The following ZNF93 variants were observed in gnomAD, a reference collection of about 807,000 sequenced individuals.
ZNF93 encodes zinc finger protein 505.
A neutral mutation model predicts 45.0 loss-of-function variants in ZNF93; 29 were observed. The ratio of observed to expected loss-of-function variants is 0.64; its 90% confidence interval spans 0.48 to 0.88. The LOEUF is 0.88. ZNF93 is among the 40% of genes least tolerant of loss of function. The pLI is 0.00. For missense variants in ZNF93, 578 were observed against 724.0 expected, an observed-to-expected ratio of 0.80 and a Z score of 2.31; for synonymous variants, 223 against 244.6, an observed-to-expected ratio of 0.91 and a Z score of 0.82.
In ZNF93 at chr19:19,935,109, G is replaced by C. The variant is rs2063389116; in HGVS notation, c.*291G>C. On this transcript the variant is annotated 3_prime_UTR_variant, in exon 4 of 4. Transcript: ENST00000343769. ...TAGAAACCCACACAGTTAACCTGAG[G>C]AAATGCTCTCTGGTACTCACTGAAA... The C allele has an allele frequency of 2.7e-6, 1 of 364,944 alleles. No individual in the cohort carries two copies. The highest frequency in any genetic ancestry group is 2.1e-5 in the African/African-American group (1 of 48,440). The allele number at this position is 364,944 out of a possible 1,614,324, so 22.6% of individuals were successfully genotyped here. A position where few individuals can be genotyped will look rare whatever the true frequency, so the allele number is the denominator to read the frequency against.
intron 3 of ZNF93, among the ~76,000 whole-genome samples, chr19:19,921,222 G>C (rs2063341734): frequency 6.6e-6 from 1 of 152,186 alleles, no homozygotes; most frequent in South Asian, 2.1e-4. Flanking sequence ...TCTGGAGCAG[G>C]TTGTTCAGTT....
At chr19:19,914,075 A>G (rs1483061637) in intron 1 of ZNF93, among the ~76,000 whole-genome samples, 2 of 152,226 alleles carry the variant, frequency 1.3e-5, no homozygotes, top group African/African-American at 4.8e-5. Context: ...TGCCATGCAG[A>G]ATTATCAGCA....
At chr19:19,909,703 A>T (rs1263195477) in intron 1 of ZNF93, among the ~76,000 whole-genome samples, 1 of 152,128 alleles carries the variant, frequency 6.6e-6, no homozygotes, top group Non-Finnish European at 1.5e-5. Context: ...AATAGAGAAA[A>T]TTTTTCTTTT....
At chr19:19,931,908 T>C (rs991991804) in intron 3 of ZNF93, 1 of 294,902 alleles carries the variant, frequency 3.4e-6, no homozygotes, top group Admixed American at 5.0e-5. Flanking sequence ...TAAAACAATA[T>C]ATTTTAATCT....
intron 1 of ZNF93, 133 bp from the exon 2 acceptor site, chr19:19,915,147 A>T: frequency 6.6e-7 from 1 of 1,507,584 alleles, no homozygotes; most frequent in South Asian, 1.3e-5. Flanking sequence ...TGTGTTGAAG[A>T]TTATTTTATT....
rs1452383054 is a variant in ZNF93 at position 19,933,914 on chromosome 19, A to G, written c.959A>G (p.Lys320Arg). Reference sequence around the variant, plus strand: ...CCCTACGTTTGTGAAGAATGTGGCAAAGCCTTTAAGTACTCCCGTATCCTT... The same window carrying G: ...CCCTACGTTTGTGAAGAATGTGGCAGAGCCTTTAAGTACTCCCGTATCCTT... ...EKPYVCEECG[K>R]AFKYSRILTT... The change falls in exon 4 of 4, where the codon AAA (lysine) becomes AGA (arginine). Residue 320 changes from lysine (K) to arginine (R), a missense_variant. Transcript: ENST00000343769. The G allele has an allele frequency of 6.2e-7, 1 of 1,613,066 alleles. No homozygotes were observed. The highest frequency in any genetic ancestry group is 8.5e-7 in the Non-Finnish European group (1 of 1,179,782).
chr19:19,914,937 C>T, intron 1 of ZNF93: 1 of 331,210 alleles, frequency 3.0e-6, no homozygotes, highest in Non-Finnish European at 5.8e-6. Flanking sequence ...GAGGTGACTT[C>T]TAACTCAACA....
chr19:19,918,103 C>T (rs1249973769), intron 3 of ZNF93, among the ~76,000 whole-genome samples: 1 of 151,784 alleles, frequency 6.6e-6, no homozygotes, highest in Non-Finnish European at 1.5e-5. Context: ...CTCCCCCGTC[C>T]CCCCACCCCA....
chr19:19,903,424 TAA>T (rs2063282399), intron 1 of ZNF93, among the ~76,000 whole-genome samples: 1 of 151,966 alleles, frequency 6.6e-6, no homozygotes, highest in Non-Finnish European at 1.5e-5. Flanking sequence ...TAAACCTAAG[TAA>T]AGTTTGATTA....
At chr19:19,929,647 G>C (rs2063366514) in intron 3 of ZNF93, among the ~76,000 whole-genome samples, 1 of 152,182 alleles carries the variant, frequency 6.6e-6, no homozygotes, top group South Asian at 2.1e-4. Context: ...GCAGAGATAA[G>C]AGATTGTAGG....
chr19:19,922,197 T>C (rs1160254268), intron 3 of ZNF93, among the ~76,000 whole-genome samples: 1 of 152,214 alleles, frequency 6.6e-6, no homozygotes, highest in Non-Finnish European at 1.5e-5. Flanking sequence ...TCTCCTTCAC[T>C]GATGAAGCTT....
In ZNF93 at chr19:19,933,744, C is replaced by T; in HGVS notation, c.789C>T (p.Gly263=). The T allele has an allele frequency of 6.2e-7, 1 of 1,613,038 alleles. No individual in the cohort carries two copies. ...AACCCTACAAGTGTGAAGAATGTGGCAAAGCTTTTAACCAATCCTCGACAC... is the reference window on the plus strand; with the variant it reads ...AACCCTACAAGTGTGAAGAATGTGGTAAAGCTTTTAACCAATCCTCGACAC... The part of the protein sequence containing the change: ...GKKPYKCEEC[G]KAFNQSSTLT... The change falls in exon 4 of 4, where the codon GGC becomes GGT. Residue 263 remains glycine, a synonymous_variant. Coordinates refer to ENST00000343769, the MANE Select transcript of ZNF93 (RefSeq NM_031218.4).
intron 3 of ZNF93, among the ~76,000 whole-genome samples, chr19:19,918,637 C>T (rs913039021): frequency 1.8e-4 from 28 of 152,206 alleles, no homozygotes; most frequent in Non-Finnish European, 2.4e-4. Flanking sequence ...TTTTAATGAT[C>T]GCCATTCTAA....
chr19:19,933,608 C>G lies in ZNF93; in HGVS notation c.653C>G (p.Thr218Arg), dbSNP rs766403474. The G allele has an allele frequency of 2.5e-6, 4 of 1,604,974 alleles. No homozygotes were observed. The highest frequency in any genetic ancestry group is 3.4e-6 in the Non-Finnish European group (4 of 1,176,850). ...TTTAAGTACTCCTCTGCCCTTAATA[C>G]ACATAAGAGAATTCATACTGGAGAG... is the stretch of plus-strand genomic sequence containing the variant. ...KAFKYSSALN[T>R]HKRIHTGEKP... Residue 218 changes from threonine (T) to arginine (R), a missense_variant, in exon 4 of 4, where the codon ACA (threonine) becomes AGA (arginine). By Grantham distance (71) the Thr-to-Arg change is moderately conservative. This residue lies in a region of ZNF93 where 446 missense variants were observed against 547.6 expected (regional missense o/e 0.81). Coordinates refer to ENST00000343769, the MANE Select transcript of ZNF93 (RefSeq NM_031218.4).
Position 19,934,841 on chromosome 19 carries a change from C to T in ZNF93, c.*23C>T, listed in dbSNP as rs1222231777. The T allele has an allele frequency of 6.3e-7, 1 of 1,582,244 alleles. No individual in the cohort carries two copies. Among genetic ancestry groups the T allele is most frequent in the Non-Finnish European group, 8.6e-7 (1 of 1,166,208 alleles). ...TAGAAGTGTGAAGAATGTGGCAAAG[C>T]CTTCAAGTGGTCCTCACACCTTACT... On this transcript the variant is annotated 3_prime_UTR_variant, in exon 4 of 4. Coordinates refer to ENST00000343769, the MANE Select transcript of ZNF93 (RefSeq NM_031218.4).
chr19:19,919,461 TTAAAG>T (rs542846107), intron 3 of ZNF93, among the ~76,000 whole-genome samples: 13,027 of 151,828 alleles, frequency 0.086, 1,226 homozygotes, highest in African/African-American at 0.25. Flanking sequence ...CATATGAACT[TTAAAG>T]TAGTTTTTTC....
At chr19:19,916,482 C>T (rs532889973) in intron 2 of ZNF93, 78 bp from the exon 3 acceptor site, 37 of 1,092,302 alleles carry the variant, frequency 3.4e-5, no homozygotes, top group South Asian at 2.5e-4. Flanking sequence ...TTTATCACAT[C>T]GTCTTTGCTG....
chr19:19,921,481 AAT>A (rs2063342403), intron 3 of ZNF93, among the ~76,000 whole-genome samples: 2 of 152,248 alleles, frequency 1.3e-5, no homozygotes, highest in African/African-American at 4.8e-5. Flanking sequence ...AGCTGAGTTC[AAT>A]TCCTGGATAT....
chr19:19,925,572 A>C (rs2063353667), intron 3 of ZNF93, among the ~76,000 whole-genome samples: 1 of 152,322 alleles, frequency 6.6e-6, no homozygotes, highest in African/African-American at 2.4e-5. Flanking sequence ...TTTGAGATTC[A>C]GATATTTAGG....
Sources: gnomAD v4.1 joint callset for allele counts (sites outside exome capture counted in the v4.1 genomes callset) on GRCh38, gnomAD v4.1.1 for gene constraint, gnomAD v4.1.1 regional missense constraint, MANE v1.5 for transcripts, NCBI Gene and HGNC (gene_info 2026-07-23, HGNC 2026-07-21) for gene names.